The following FKTN variants were observed in gnomAD, a reference collection of about 807,000 sequenced individuals.
The protein encoded by FKTN is ribitol-5-phosphate transferase FKTN.
Under a neutral mutation model 58.6 loss-of-function variants are expected in FKTN, and 47 were observed. The observed-to-expected ratio is 0.80, with a 90% CI of 0.63 to 1.02. The LOEUF (loss-of-function observed/expected upper bound fraction) is 1.02, where lower values mean the gene tolerates loss of function less well. Ranked by LOEUF, FKTN falls within the 50% of genes least tolerant of loss-of-function variation. The pLI is 0.00. For missense variants in FKTN, 516 were observed against 537.3 expected, an observed-to-expected ratio of 0.96 and a Z score of 0.39; for synonymous variants, 178 against 191.9, an observed-to-expected ratio of 0.93 and a Z score of 0.60.
chr9:105,630,260 T>C (rs888952755), intron 10 of FKTN, among the ~76,000 whole-genome samples: 1 of 152,190 alleles, frequency 6.6e-6, no homozygotes, highest in Non-Finnish European at 1.5e-5. Flanking sequence ...TCAGCTGTGT[T>C]ACATTAACTC....
chr9:105,611,487 C>T (rs949207480), intron 7 of FKTN, among the ~76,000 whole-genome samples: 4 of 152,018 alleles, frequency 2.6e-5, no homozygotes, highest in African/African-American at 9.7e-5. Flanking sequence ...AGTTATTTTT[C>T]CTGGTCCTCT....
intron 3 of FKTN, among the ~76,000 whole-genome samples, 178 bp downstream of exon 3, chr9:105,575,315 C>T (rs1199921585): frequency 2.6e-5 from 4 of 152,156 alleles, no homozygotes; most frequent in African/African-American, 9.7e-5. Flanking sequence ...ACACTAAAGA[C>T]AGGTGCTAAG....
At chr9:105,608,413 C>T (rs1353828880) in intron 7 of FKTN, among the ~76,000 whole-genome samples, 1 of 152,026 alleles carries the variant, frequency 6.6e-6, no homozygotes, top group African/African-American at 2.4e-5. Flanking sequence ...ACACAAAGAC[C>T]AGGTGCTTTT....
chr9:105,565,651 A>AG (rs1314033023), intron 1 of FKTN, among the ~76,000 whole-genome samples: 1 of 152,164 alleles, frequency 6.6e-6, no homozygotes, highest in African/African-American at 2.4e-5. Context: ...TCATAAAGCA[A>AG]GTCCTGTGTG....
In FKTN at chr9:105,618,911, T is replaced by G. The variant is rs372355002; in HGVS notation, c.1044+819T>G. ...TCTCTACTAAAAATACAAAAAAAAT[T>G]AGCCGGGCGCGGTGGCGGGCGCCTG... On this transcript the variant is annotated intron_variant, in intron 9 of 10. Coordinates refer to ENST00000357998, the MANE Select transcript of FKTN (RefSeq NM_001079802.2). 1.5e-4 allele frequency among the ~76,000 whole-genome samples: 23 copies of G among 151,504 alleles called. No individual in the cohort carries two copies. In the East Asian group the frequency reaches 4.5e-3, roughly 30 times the overall value.
chr9:105,636,650 C>A lies in FKTN; in HGVS notation c.*1386C>A. 8.0e-7 allele frequency: 1 copy of A among 1,249,978 alleles called. No homozygotes were observed. Among genetic ancestry groups the A allele is most frequent in the Non-Finnish European group, 1.0e-6 (1 of 952,566 alleles). 77.4% of individuals were successfully genotyped at this position (1,249,978 alleles called of 1,614,324 possible). A position where few individuals can be genotyped will look rare whatever the true frequency, so the allele number is the denominator to read the frequency against. On this transcript the variant is annotated 3_prime_UTR_variant, in exon 11 of 11. Transcript: ENST00000357998. ...AAGGAAAATGTAGGCACAATAAGCA[C>A]TGCTATTTTTCTCTTTGTCTAGGAA... is the stretch of plus-strand genomic sequence containing the variant.
At chr9:105,577,007 A>T in intron 3 of FKTN, among the ~76,000 whole-genome samples, 1 of 101,166 alleles carries the variant, frequency 9.9e-6, no homozygotes, top group Non-Finnish European at 2.1e-5. Context: ...CCACTTTTTG[A>T]TGGGGTGGTT....
intron 8 of FKTN, 42 bp downstream of exon 8, chr9:105,615,449 G>A: frequency 2.5e-6 from 4 of 1,605,466 alleles, no homozygotes; most frequent in African/African-American, 1.3e-5. Context: ...CTGTCATTTT[G>A]TCCTCTGGCT....
In FKTN at chr9:105,602,648, C is replaced by T. The variant is rs144039069; in HGVS notation, c.369+1300C>T. On this transcript the variant is annotated intron_variant, in intron 5 of 10. Coordinates refer to ENST00000357998, the MANE Select transcript of FKTN (RefSeq NM_001079802.2). ...TCTGTTCACTGCAATCTCCGCCTCC[C>T]AGGCTCAAGGGATTCTCCTGCCTCA... Among the ~76,000 whole-genome samples, 1,015 of 152,344 alleles carry T rather than the reference C, an allele frequency of 6.7e-3. 4 individuals are homozygous for T. Among genetic ancestry groups the T allele is most frequent in the Middle Eastern group, 0.017 (5 of 294 alleles).
chr9:105,606,793 A>G (rs939975325), intron 6 of FKTN, among the ~76,000 whole-genome samples: 1 of 151,542 alleles, frequency 6.6e-6, no homozygotes. Flanking sequence ...AAGGTATTCG[A>G]AACTGAAGTC....
intron 7 of FKTN, among the ~76,000 whole-genome samples, chr9:105,614,096 G>A (rs1424003834): frequency 6.6e-6 from 1 of 152,032 alleles, no homozygotes. Context: ...GACCCCAGTA[G>A]TCAGGAACCA....
In FKTN at chr9:105,584,106, T is replaced by A. The variant is rs533853920; in HGVS notation, c.105+8969T>A. ...GGGATCTTGAGTTAATTACTTGACT[T>A]CTAAATGCCTTTGTTTCCTTATCTA... On this transcript the variant is annotated intron_variant, in intron 3 of 10. Coordinates refer to ENST00000357998, the MANE Select transcript of FKTN (RefSeq NM_001079802.2). 4.6e-5 allele frequency among the ~76,000 whole-genome samples: 7 copies of A among 152,334 alleles called. 1 individual carries two copies. Among genetic ancestry groups the A allele is most frequent in the African/African-American group, 1.7e-4 (7 of 41,582 alleles).
At chr9:105,575,522 T>C (rs188411454) in intron 3 of FKTN, among the ~76,000 whole-genome samples, 1 of 152,218 alleles carries the variant, frequency 6.6e-6, no homozygotes, top group Non-Finnish European at 1.5e-5. Flanking sequence ...GACTTACCTT[T>C]ATCTGTATGT....
At chr9:105,587,874 T>G (rs1587983439) in intron 3 of FKTN, among the ~76,000 whole-genome samples, 1 of 151,906 alleles carries the variant, frequency 6.6e-6, no homozygotes, top group Non-Finnish European at 1.5e-5. Context: ...GGCTTGGGAG[T>G]AAATATAAGA....
intron 1 of FKTN, among the ~76,000 whole-genome samples, chr9:105,571,730 C>G (rs1840767804): frequency 6.6e-6 from 1 of 152,158 alleles, no homozygotes; most frequent in African/African-American, 2.4e-5. Flanking sequence ...AATACAAGTA[C>G]AAGAACTTGA....
At chr9:105,621,765 G>C (rs926260086) in intron 10 of FKTN, among the ~76,000 whole-genome samples, 1 of 151,976 alleles carries the variant, frequency 6.6e-6, no homozygotes, top group African/African-American at 2.4e-5. Context: ...TATAGAAATA[G>C]CTGCATTTTA....
Position 105,618,018 on chromosome 9 carries a change from A to G in FKTN, c.970A>G (p.Ile324Val), listed in dbSNP as rs1481232031. The change falls in exon 9 of 11, where the codon ATA becomes GTA. Residue 324 changes from isoleucine (I) to valine (V), a missense_variant. Transcript: ENST00000357998. ...CAAAGATGTTGACCTAGGAATTTTT[A>G]TACAAGATTACAAATCTGATATTAT... is the stretch of plus-strand genomic sequence containing the variant. ...YSKDVDLGIF[I>V]QDYKSDIILA... 1 of 1,599,162 alleles carries G rather than the reference A, an allele frequency of 6.3e-7. No individual in the cohort carries two copies. Among genetic ancestry groups the G allele is most frequent in the Non-Finnish European group, 8.6e-7 (1 of 1,166,250 alleles).
In FKTN at chr9:105,638,774, C is replaced by G. The variant is rs983306521; in HGVS notation, c.*3510C>G. ...ACTTTTAATTATTTATATTGATACT[C>G]TCTGATAAATGCAGGTAGTTAAGAA... On this transcript the variant is annotated 3_prime_UTR_variant, in exon 11 of 11. Transcript: ENST00000357998. 1.3e-5 allele frequency: 13 copies of G among 976,422 alleles called. No individual in the cohort carries two copies. In the Admixed American group the frequency reaches 1.8e-4, roughly 14 times the overall value. The allele number at this position is 976,422 out of a possible 1,614,324, so 60.5% of individuals were successfully genotyped here.
At chr9:105,619,828 A>T (rs1249942930) in intron 9 of FKTN, 106 bp from the exon 10 acceptor site, 4 of 1,025,390 alleles carry the variant, frequency 3.9e-6, no homozygotes, top group Non-Finnish European at 5.7e-6. Flanking sequence ...TACTCTATGT[A>T]TGTAAAACTT....
Sources: allele counts gnomAD v4.1 joint callset (sites outside exome capture counted in the v4.1 genomes callset), GRCh38; gene constraint gnomAD v4.1.1; transcripts MANE v1.5; gene names NCBI Gene and HGNC (gene_info 2026-07-23, HGNC 2026-07-21).